The following METTL21A variants were observed in gnomAD, a reference collection of about 807,000 sequenced individuals.
The protein encoded by METTL21A is protein N-lysine methyltransferase METTL21A.
METTL21A carries 22 observed loss-of-function variants against 20.9 expected under a neutral mutation model. The ratio of observed to expected loss-of-function variants is 1.05; its 90% CI spans 0.75 to 1.50. METTL21A has a LOEUF of 1.50. Ranked by LOEUF, METTL21A falls within the 40% of genes most tolerant of loss-of-function variation. The probability of loss-of-function intolerance (pLI) is 0.00; values close to 1 mark genes in which losing one functional copy is unlikely to be tolerated. For synonymous variants in METTL21A, 93 were observed against 102.0 expected (o/e 0.91, Z 0.53); for missense variants, 271 against 266.8 (o/e 1.02, Z -0.11).
At chr2:207,584,722 G>T (rs2083515391) in intron 3 of METTL21A, among the ~76,000 whole-genome samples, 1 of 152,074 alleles carries the variant, frequency 6.6e-6, no homozygotes, top group South Asian at 2.1e-4. Flanking sequence ...ACTTTTATGT[G>T]ATTTGCTATC....
chr2:207,596,460 TCTCA>T (rs1218796710), intron 3 of METTL21A, among the ~76,000 whole-genome samples: 1 of 152,176 alleles, frequency 6.6e-6, no homozygotes. Flanking sequence ...TGAGACGGAG[TCTCA>T]CTCTTGTCAC....
intron 3 of METTL21A, among the ~76,000 whole-genome samples, chr2:207,614,584 G>T (rs544642513): frequency 1.6e-4 from 24 of 152,284 alleles, no homozygotes; most frequent in Admixed American, 5.9e-4. Context: ...TTGAAAAATT[G>T]TAAGCTTAAA....
chr2:207,586,174 A>G (rs1282141092), intron 3 of METTL21A, among the ~76,000 whole-genome samples: 1 of 152,206 alleles, frequency 6.6e-6, no homozygotes, highest in Non-Finnish European at 1.5e-5. Flanking sequence ...AAGGCATCAC[A>G]CTACCTGACT....
At chr2:207,585,544 A>C (rs1208501671) in intron 3 of METTL21A, among the ~76,000 whole-genome samples, 1 of 152,228 alleles carries the variant, frequency 6.6e-6, no homozygotes, top group Non-Finnish European at 1.5e-5. Context: ...CGATACCTCC[A>C]AAGGAACACA....
downstream of METTL21A, among the ~76,000 whole-genome samples, chr2:207,608,928 A>G (rs2088541796): frequency 6.6e-6 from 1 of 152,248 alleles, no homozygotes; most frequent in Admixed American, 6.5e-5. Context: ...TGCATTCCCA[A>G]TAACATACCT....
chr2:207,604,534 G>A (rs116590105), downstream of METTL21A, among the ~76,000 whole-genome samples: 334 of 152,218 alleles, frequency 2.2e-3, 2 homozygotes, highest in African/African-American at 7.4e-3. Flanking sequence ...ATTCTAACAC[G>A]GGCCTGACAT....
At chr2:207,600,951 CTAT>C (rs1559092959) in intron 3 of METTL21A, 1 of 194,772 alleles carries the variant, frequency 5.1e-6, no homozygotes, top group East Asian at 8.0e-5. Flanking sequence ...ATTTTTAATT[CTAT>C]GATCAGCCAC....
downstream of METTL21A, chr2:207,609,442 G>A (rs1257703143): frequency 1.3e-5 from 2 of 152,122 alleles, no homozygotes; most frequent in Non-Finnish European, 2.9e-5. Context: ...TAAATGGAAT[G>A]TATCTTTTTC....
At chr2:207,594,352 T>G (rs1053489378) in intron 3 of METTL21A, among the ~76,000 whole-genome samples, 2 of 152,174 alleles carry the variant, frequency 1.3e-5, no homozygotes, top group Admixed American at 6.5e-5. Flanking sequence ...AAATTGAAAC[T>G]CTGTACCCGG....
intron 3 of METTL21A, 58 bp downstream of exon 3, chr2:207,621,748 C>A (rs1210057389): frequency 4.1e-6 from 6 of 1,449,370 alleles, no homozygotes; most frequent in Non-Finnish European, 5.8e-6. Context: ...GCTAAGAAAA[C>A]AGCAAATGCA....
chr2:207,621,920 G>A lies in METTL21A; in HGVS notation c.148-3C>T, dbSNP rs776467195. ...AGGTATGTGGAAAGAACGATGGCCT[G>A]AATGAAAACACAGTGTGATGACGAT... On this transcript the variant is annotated splice_polypyrimidine_tract_variant and splice_region_variant and intron_variant, in intron 2 of 3. Coordinates refer to ENST00000406927, the Ensembl canonical transcript of METTL21A. 6 of 1,612,514 alleles carry A rather than the reference G, an allele frequency of 3.7e-6. No homozygotes were observed. The South Asian group carries it at 5.5e-5, about 15-fold the overall frequency.
At chr2:207,581,791 T>C (rs1449096939) in exon 4 of METTL21A, 2 of 688,474 alleles carry the variant, frequency 2.9e-6, no homozygotes, top group Non-Finnish European at 5.2e-6. Flanking sequence ...TTTTTTTACT[T>C]ACATAATCCA....
intron 3 of METTL21A, among the ~76,000 whole-genome samples, chr2:207,591,640 C>T (rs1473564295): frequency 6.6e-6 from 1 of 152,154 alleles, no homozygotes; most frequent in Non-Finnish European, 1.5e-5. Context: ...GCCATGTTGG[C>T]CAGGCTGGTC....
At chr2:207,594,524 C>A (rs2085736919) in intron 3 of METTL21A, among the ~76,000 whole-genome samples, 1 of 152,178 alleles carries the variant, frequency 6.6e-6, no homozygotes, top group Admixed American at 6.5e-5. Flanking sequence ...CCTCAAGGTT[C>A]ATCTACGTTT....
chr2:207,587,320 A>G (rs2464977), intron 3 of METTL21A, among the ~76,000 whole-genome samples: 148,880 of 151,344 alleles, frequency 0.98, 73,272 homozygotes, highest in East Asian at 1. Context: ...GTGAACCCGG[A>G]AGGCAGAGCT....
downstream of METTL21A, among the ~76,000 whole-genome samples, chr2:207,608,859 G>T (rs527855208): frequency 5.3e-5 from 8 of 152,334 alleles, no homozygotes; most frequent in African/African-American, 1.9e-4. Context: ...TACGGGAGGC[G>T]GAGCTTGCAG....
chr2:207,617,134 T>A (rs2089869657), intron 3 of METTL21A, among the ~76,000 whole-genome samples: 1 of 152,206 alleles, frequency 6.6e-6, no homozygotes, highest in African/African-American at 2.4e-5. Context: ...AAAGAATGTA[T>A]AAACATGTGT....
At chr2:207,613,253 T>G (rs1268040640) in exon 4 of METTL21A, 4 of 1,612,948 alleles carry the variant, frequency 2.5e-6, no homozygotes, top group Admixed American at 1.7e-5. Flanking sequence ...CTGTGAATGT[T>G]TCTTCTAAAT....
intron 1 of METTL21A, chr2:207,624,821 C>G (rs1478321670): frequency 6.6e-6 from 1 of 152,398 alleles, no homozygotes; most frequent in Non-Finnish European, 1.5e-5. Context: ...CGGGTTCTTT[C>G]GCTACGGTTT....
Sources: gnomAD v4.1 joint callset for allele counts (sites outside exome capture counted in the v4.1 genomes callset) on GRCh38, gnomAD v4.1.1 for gene constraint, MANE v1.5 for transcripts, NCBI Gene and HGNC (gene_info 2026-07-23, HGNC 2026-07-21) for gene names.